Variants in SLC19A1 observed in about 807,000 individuals in gnomAD.
SLC19A1 encodes solute carrier family 19 member 1.
In SLC19A1, 37 loss-of-function variants were observed where a neutral mutation model predicts 35.3. That is an observed-to-expected ratio of 1.05 (90% confidence interval 0.81 to 1.38). SLC19A1 has a LOEUF of 1.38. Among genes scored for constraint, SLC19A1 ranks in the 40% most tolerant of loss-of-function variants. The pLI is 0.00. For synonymous variants in SLC19A1, 460 were observed against 398.5 expected (o/e 1.15, Z -1.84); for missense variants, 831 against 826.9 (o/e 1.00, Z -0.06).
intron 1 of SLC19A1, among the ~76,000 whole-genome samples, chr21:45,539,372 G>A (rs1172276168): frequency 6.6e-6 from 1 of 152,210 alleles, no homozygotes; most frequent in Non-Finnish European, 1.5e-5. Flanking sequence ...GGGCGGGGTC[G>A]CCGTCCCATC....
At position 45,512,837 on chromosome 21, in the gene SLC19A1, A is replaced by G. The variant is rs371166816; in HGVS notation, c.*2821T>C. On this transcript the variant is annotated 3_prime_UTR_variant, in exon 6 of 6. Coordinates refer to ENST00000311124, the MANE Select transcript of SLC19A1 (RefSeq NM_194255.4). ...GTTAGCAGACAGGCCCCGTGAGGCAATGGGAGCTGAGGCCACACTCAGCAC... is the reference window on the plus strand; with the variant it reads ...GTTAGCAGACAGGCCCCGTGAGGCAGTGGGAGCTGAGGCCACACTCAGCAC... 1.7e-5 allele frequency: 5 copies of G among 285,932 alleles called. No homozygotes were observed. The highest frequency in any genetic ancestry group is 2.7e-5 in the Non-Finnish European group (4 of 147,378). The allele number at this position is 285,932 out of a possible 1,614,324, so 17.7% of individuals were successfully genotyped here.
rs980434503 is a variant in SLC19A1 at position 45,530,805 on chromosome 21, G to A, written c.1116C>T (p.Phe372=). The A allele has an allele frequency of 1.3e-6, 2 of 1,566,570 alleles. No homozygotes were observed. The highest frequency in any genetic ancestry group is 2.7e-5 in the African/African-American group (2 of 73,486). ...IWLCYAAFVL[F]RGSYQFLVPI... ...GCACGAGGAACTGGTAGGAGCCGCGGAACAGCACGAAGGCCGCATAGCACA... is the reference window on the plus strand; with the variant it reads ...GCACGAGGAACTGGTAGGAGCCGCGAAACAGCACGAAGGCCGCATAGCACA... The change falls in exon 4 of 6, where the codon TTC becomes TTT. Residue 372 remains phenylalanine (F), a synonymous_variant. Transcript: ENST00000311124. This position sits in a 1 kb window ranked among gnomAD's most constrained non-coding sequence, Gnocchi z 5.3.
chr21:45,522,506 G>A (rs1253621909), intron 5 of SLC19A1, among the ~76,000 whole-genome samples: 2 of 152,124 alleles, frequency 1.3e-5, no homozygotes, highest in African/African-American at 4.8e-5. Flanking sequence ...TCTGTCCCAG[G>A]GAAAGGAAAA....
chr21:45,532,930 G>A (rs1028306382), intron 2 of SLC19A1, among the ~76,000 whole-genome samples: 5 of 152,192 alleles, frequency 3.3e-5, no homozygotes, highest in African/African-American at 9.7e-5. Flanking sequence ...CTGTTCGTGG[G>A]GGAACCCGGC....
Position 45,515,153 on chromosome 21 carries a change from C to A in SLC19A1, c.*505G>T. On this transcript the variant is annotated 3_prime_UTR_variant, in exon 6 of 6. Coordinates refer to ENST00000311124, the MANE Select transcript of SLC19A1 (RefSeq NM_194255.4). ...GAGAAGCCACATGCAGTTCTTCATT[C>A]TACGTCAGTTAAAAAAAAAAAAAGC... 2 of 1,509,672 alleles carry A rather than the reference C, an allele frequency of 1.3e-6. No individual in the cohort carries two copies. The highest frequency in any genetic ancestry group is 1.3e-5 in the South Asian group (1 of 77,956). 93.5% of individuals were successfully genotyped at this position (1,509,672 alleles called of 1,614,324 possible). A position where few individuals can be genotyped will look rare whatever the true frequency, so the allele number is the denominator to read the frequency against.
chr21:45,537,986 A>C lies in SLC19A1; in HGVS notation c.-27T>G. On this transcript the variant is annotated 5_prime_UTR_variant, in exon 2 of 6. Coordinates refer to ENST00000311124, the MANE Select transcript of SLC19A1 (RefSeq NM_194255.4). Reference sequence around the variant, plus strand: ...CTGCTCAGGCCACGTGCAGCTCCGGAGGGGACGAAGGTGACGCTGTGCCTG... The same window carrying C: ...CTGCTCAGGCCACGTGCAGCTCCGGCGGGGACGAAGGTGACGCTGTGCCTG... The C allele has an allele frequency of 1.4e-6, 2 of 1,473,362 alleles. No homozygotes were observed. The highest frequency in any genetic ancestry group is 1.8e-6 in the Non-Finnish European group (2 of 1,108,692). The allele number at this position is 1,473,362 out of a possible 1,614,324, so 91.3% of individuals were successfully genotyped here. A position where few individuals can be genotyped will look rare whatever the true frequency, so the allele number is the denominator to read the frequency against.
chr21:45,530,353 T>TGG lies in SLC19A1; in HGVS notation c.1151+416_1151+417insCC, dbSNP rs896039655. ...AGTGTCCATCTGTGCGCATGTGGTG[T>TGG]GTTCATGAGTGTGTGTGTGTCCATG... On this transcript the variant is annotated intron_variant, in intron 4 of 5. Coordinates refer to ENST00000311124, the MANE Select transcript of SLC19A1 (RefSeq NM_194255.4). This position sits in a 1 kb window ranked among gnomAD's most constrained non-coding sequence, Gnocchi z 5.3. 2.0e-5 allele frequency among the ~76,000 whole-genome samples: 3 copies of TGG among 150,686 alleles called. No individual in the cohort carries two copies. The highest frequency in any genetic ancestry group is 6.6e-5 in the Admixed American group (1 of 15,170).
At chr21:45,524,050 C>T (rs973945875) in intron 5 of SLC19A1, among the ~76,000 whole-genome samples, 2 of 152,156 alleles carry the variant, frequency 1.3e-5, no homozygotes, top group Non-Finnish European at 2.9e-5. Context: ...GCCTTGGAGA[C>T]TCACCTGTCC....
chr21:45,519,215 C>G (rs916223517), intron 5 of SLC19A1, among the ~76,000 whole-genome samples: 7 of 151,922 alleles, frequency 4.6e-5, no homozygotes, highest in East Asian at 1.9e-4. Context: ...ATAGATAAAC[C>G]AAACAAAATT....
At chr21:45,535,595 G>A (rs1293148916) in intron 2 of SLC19A1, among the ~76,000 whole-genome samples, 6 of 152,206 alleles carry the variant, frequency 3.9e-5, no homozygotes, top group East Asian at 1.9e-4. Flanking sequence ...TGGGCAGCCC[G>A]TGGCAGGCTG....
At chr21:45,543,234 G>A (rs1329875140), upstream of SLC19A1, among the ~76,000 whole-genome samples, 3 of 152,224 alleles carry the variant, frequency 2.0e-5, no homozygotes, top group Admixed American at 1.3e-4. Context: ...AGACAGCACC[G>A]CCGAAAGCCC....
At chr21:45,503,364 GTCT>G (rs1216300307) in intron 3 of SLC19A1, among the ~76,000 whole-genome samples, 2 of 152,112 alleles carry the variant, frequency 1.3e-5, no homozygotes, top group South Asian at 2.1e-4. Flanking sequence ...CTGCATAAAT[GTCT>G]TCTTTTGAGA....
At chr21:45,506,836 C>G (rs1025750435) in intron 3 of SLC19A1, 1 of 168,304 alleles carries the variant, frequency 5.9e-6, no homozygotes, top group Admixed American at 5.6e-5. Flanking sequence ...TCGCCACCGG[C>G]CCCCTCCTAG....
intron 5 of SLC19A1, among the ~76,000 whole-genome samples, chr21:45,521,804 G>A (rs1009911984): frequency 1.3e-5 from 2 of 151,936 alleles, no homozygotes; most frequent in Admixed American, 6.6e-5. Flanking sequence ...AAATGGATAC[G>A]CACAGGCCAA....
intron 1 of SLC19A1, among the ~76,000 whole-genome samples, chr21:45,549,718 G>A (rs1168748535): frequency 1.1e-5 from 1 of 88,758 alleles, no homozygotes; most frequent in Non-Finnish European, 2.4e-5. Flanking sequence ...GTGGTGGGGA[G>A]GGGGATAGGT....
chr21:45,539,058 A>G (rs952436650), intron 1 of SLC19A1, among the ~76,000 whole-genome samples: 3 of 152,184 alleles, frequency 2.0e-5, no homozygotes, highest in Non-Finnish European at 4.4e-5. Context: ...AAGCCTGTCC[A>G]CTTATCAGAA....
At chr21:45,558,461 G>T (rs1306491958) in intron 1 of SLC19A1, among the ~76,000 whole-genome samples, 1 of 152,248 alleles carries the variant, frequency 6.6e-6, no homozygotes, top group Non-Finnish European at 1.5e-5. Flanking sequence ...CGCAGAAGGG[G>T]TGCTGGCCGG....
In SLC19A1 at chr21:45,505,959, A is replaced by G. The variant is rs759418581; in HGVS notation, c.498-7347T>C. 8.7e-6 allele frequency: 14 copies of G among 1,613,056 alleles called. No individual in the cohort carries two copies. In the South Asian group the frequency reaches 1.4e-4, roughly 16 times the overall value. On this transcript the variant is annotated intron_variant, in intron 3 of 4. Coordinates refer to the SLC19A1 transcript ENST00000417954. ...GTCCGCGTGCAGAACGGGTTCCGGAAGGTCCAGGTGAGCGCTCTGTGTGAC... is the reference window on the plus strand; with the variant it reads ...GTCCGCGTGCAGAACGGGTTCCGGAGGGTCCAGGTGAGCGCTCTGTGTGAC...
intron 1 of SLC19A1, among the ~76,000 whole-genome samples, chr21:45,549,764 G>A (rs1377704019): frequency 4.0e-5 from 5 of 125,532 alleles, no homozygotes; most frequent in Non-Finnish European, 6.9e-5. Flanking sequence ...GGTTGGTGGT[G>A]GGGAGGGGGA....
Sources: gnomAD v4.1 joint callset for allele counts (sites outside exome capture counted in the v4.1 genomes callset) on GRCh38, gnomAD v4.1.1 for gene constraint, Gnocchi (gnomAD v3.1) non-coding constraint, MANE v1.5 for transcripts, NCBI Gene and HGNC (gene_info 2026-07-23, HGNC 2026-07-21) for gene names.